The following MDGA2 variants were observed in gnomAD, a reference collection of about 807,000 sequenced individuals.
MDGA2 encodes the protein MAM domain-containing glycosylphosphatidylinositol anchor protein 2.
MDGA2 carries 40 observed loss-of-function variants against 117.8 expected under a neutral mutation model. The observed-to-expected ratio is 0.34, with a 90% CI of 0.26 to 0.44. The LOEUF is 0.44. MDGA2 is among the 20% of genes least tolerant of loss of function. The pLI is 1.00. For missense variants in MDGA2, 1,123 were observed against 1,250.6 expected, an observed-to-expected ratio of 0.90 and a Z score of 1.54; for synonymous variants, 452 against 439.0, an observed-to-expected ratio of 1.03 and a Z score of -0.37.
intron 1 of MDGA2, among the ~76,000 whole-genome samples, chr14:47,480,099 T>C (rs572877038): frequency 3.5e-4 from 53 of 152,172 alleles, no homozygotes; most frequent in African/African-American, 1.3e-3. Context: ...GTTTCGATTA[T>C]TTAGAAATTA....
intron 1 of MDGA2, among the ~76,000 whole-genome samples, chr14:47,447,993 A>C (rs969645892): frequency 5.3e-4 from 80 of 152,020 alleles, no homozygotes; most frequent in African/African-American, 1.9e-3. Flanking sequence ...TGTCTTTCAG[A>C]GTGACAAAGA....
intron 14 of MDGA2, among the ~76,000 whole-genome samples, chr14:46,860,316 A>G (rs1881458309): frequency 6.6e-6 from 1 of 152,002 alleles, no homozygotes; most frequent in African/African-American, 2.4e-5. Context: ...TATATAAAAT[A>G]TTCAACTAAG....
intron 3 of MDGA2, among the ~76,000 whole-genome samples, chr14:47,186,522 T>C (rs1158871980): frequency 6.6e-6 from 1 of 151,876 alleles, no homozygotes; most frequent in Non-Finnish European, 1.5e-5. Context: ...AGCCTAATTA[T>C]TTTTCTACAT....
intron 5 of MDGA2, among the ~76,000 whole-genome samples, chr14:47,103,696 G>C (rs1880468749): frequency 6.6e-6 from 1 of 152,158 alleles, no homozygotes; most frequent in Non-Finnish European, 1.5e-5. Context: ...TTGAAAAATT[G>C]CATAACTTTT....
intron 1 of MDGA2, among the ~76,000 whole-genome samples, chr14:47,562,055 C>G (rs75694690): frequency 6.6e-6 from 1 of 152,184 alleles, no homozygotes; most frequent in Non-Finnish European, 1.5e-5. Flanking sequence ...ATTGAACCAA[C>G]TTTGCATCCC....
intron 10 of MDGA2, among the ~76,000 whole-genome samples, chr14:46,915,971 C>G (rs894357805): frequency 2.6e-5 from 4 of 152,128 alleles, no homozygotes; most frequent in African/African-American, 9.7e-5. Context: ...AGGTTGTCTA[C>G]AAACCTCACT....
chr14:47,380,621 T>A (rs2138415875), intron 1 of MDGA2, among the ~76,000 whole-genome samples: 1 of 152,108 alleles, frequency 6.6e-6, no homozygotes, highest in Non-Finnish European at 1.5e-5. Flanking sequence ...AAGAAATGGA[T>A]AAATTCCTCG....
At chr14:47,233,626 T>G (rs997403435) in intron 2 of MDGA2, among the ~76,000 whole-genome samples, 3 of 152,124 alleles carry the variant, frequency 2.0e-5, no homozygotes, top group Non-Finnish European at 4.4e-5. Context: ...AATGAGGAAT[T>G]ACTGGTCCTA....
intron 6 of MDGA2, among the ~76,000 whole-genome samples, chr14:47,084,434 A>G (rs375136980): frequency 1.3e-5 from 2 of 152,230 alleles, no homozygotes; most frequent in South Asian, 4.1e-4. Flanking sequence ...TACAGTAAAA[A>G]AGAAGAAAAG....
At chr14:47,226,259 A>AAATG (rs1456219166) in intron 2 of MDGA2, among the ~76,000 whole-genome samples, 170 of 149,218 alleles carry the variant, frequency 1.1e-3, no homozygotes, top group African/African-American at 4.0e-3. Context: ...ATAAATAAAT[A>AAATG]AATGGGAGGA....
chr14:47,572,398 T>G (rs1341218675), intron 1 of MDGA2, among the ~76,000 whole-genome samples: 1 of 152,190 alleles, frequency 6.6e-6, no homozygotes, highest in Non-Finnish European at 1.5e-5. Context: ...TCAGAAATAT[T>G]TGGGATCATG....
intron 1 of MDGA2, among the ~76,000 whole-genome samples, chr14:47,387,114 A>T (rs1891777438): frequency 6.6e-6 from 1 of 152,266 alleles, no homozygotes; most frequent in Admixed American, 6.5e-5. Flanking sequence ...TGTTTCTGAT[A>T]CTTTTTTTAG....
intron 1 of MDGA2, among the ~76,000 whole-genome samples, chr14:47,574,219 A>G (rs1896073489): frequency 6.6e-6 from 1 of 152,208 alleles, no homozygotes; most frequent in Non-Finnish European, 1.5e-5. Flanking sequence ...GCTGAAGATC[A>G]GCAACTGTGG....
rs7147437 is a variant in MDGA2 at position 47,408,078 on chromosome 14, G to T, written c.281-106528C>A. On this transcript the variant is annotated intron_variant, in intron 1 of 16. Coordinates refer to ENST00000399232, the MANE Select transcript of MDGA2 (RefSeq NM_001113498.3). ...ATTCTTTTTTTTTTTTTTTTTTTTG[G>T]TGGCATCTTGCTCTGTTGCCAGGCT... 2.4e-3 allele frequency among the ~76,000 whole-genome samples: 323 copies of T among 136,214 alleles called. 1 individual carries two copies. The highest frequency in any genetic ancestry group is 3.8e-3 in the East Asian group (17 of 4,480). The allele number at this position is 136,214 out of a possible 152,430, so 89.4% of individuals were successfully genotyped here. A position where few individuals can be genotyped will look rare whatever the true frequency, so the allele number is the denominator to read the frequency against.
chr14:47,634,899 T>A (rs1897298693), intron 1 of MDGA2, among the ~76,000 whole-genome samples: 1 of 152,188 alleles, frequency 6.6e-6, no homozygotes, highest in Admixed American at 6.5e-5. Flanking sequence ...TAGTATGAAA[T>A]AAAACTATTT....
chr14:47,663,999 A>G (rs1205653936), intron 1 of MDGA2, among the ~76,000 whole-genome samples: 1 of 152,134 alleles, frequency 6.6e-6, no homozygotes, highest in Non-Finnish European at 1.5e-5. Context: ...AAATTTACCC[A>G]TAACCATAAG....
At chr14:47,048,270 G>A (rs574359200) in intron 7 of MDGA2, among the ~76,000 whole-genome samples, 44 of 152,068 alleles carry the variant, frequency 2.9e-4, no homozygotes, top group African/African-American at 9.2e-4. Flanking sequence ...TTGCTTTCTG[G>A]TGGATAAAGG....
At chr14:47,211,998 C>A (rs1159399716) in intron 3 of MDGA2, among the ~76,000 whole-genome samples, 1 of 151,912 alleles carries the variant, frequency 6.6e-6, no homozygotes, top group Non-Finnish European at 1.5e-5. Context: ...CCTTTTTAGC[C>A]CACAAAATTC....
intron 2 of MDGA2, among the ~76,000 whole-genome samples, chr14:47,229,072 C>A (rs1475816323): frequency 1.3e-5 from 2 of 152,126 alleles, no homozygotes; most frequent in African/African-American, 4.8e-5. Flanking sequence ...TTCTTGAAGT[C>A]CAGATTCAGA....
Sources: gnomAD v4.1 joint callset for allele counts (sites outside exome capture counted in the v4.1 genomes callset) on GRCh38, gnomAD v4.1.1 for gene constraint, MANE v1.5 for transcripts, NCBI Gene and HGNC (gene_info 2026-07-23, HGNC 2026-07-21) for gene names.